The following SMAP1 variants were observed in gnomAD, a reference collection of about 807,000 sequenced individuals.
SMAP1 encodes the protein stromal membrane-associated protein 1.
Under a neutral mutation model 58.5 loss-of-function variants are expected in SMAP1, and 24 were observed. That is an observed-to-expected ratio of 0.41 (90% CI 0.30 to 0.58). SMAP1 has a LOEUF of 0.58. SMAP1 is among the 20% of genes least tolerant of loss of function. The probability of loss-of-function intolerance (pLI) is 0.29; values close to 1 mark genes in which losing one functional copy is unlikely to be tolerated. For missense variants in SMAP1, 563 were observed against 566.3 expected, an observed-to-expected ratio of 0.99 and a Z score of 0.06; for synonymous variants, 216 against 196.6, an observed-to-expected ratio of 1.10 and a Z score of -0.82.
At chr6:70,765,942 G>T (rs970438637) in intron 3 of SMAP1, among the ~76,000 whole-genome samples, 1 of 130,934 alleles carries the variant, frequency 7.6e-6, no homozygotes, top group South Asian at 2.3e-4. Flanking sequence ...TCCCCTTCCT[G>T]TGTCCATGTG....
At chr6:70,720,152 T>C (rs1433263729) in intron 1 of SMAP1, among the ~76,000 whole-genome samples, 2 of 152,118 alleles carry the variant, frequency 1.3e-5, no homozygotes, top group African/African-American at 2.4e-5. Context: ...GGTACAGGTA[T>C]TGGGTAAATA....
intron 1 of SMAP1, among the ~76,000 whole-genome samples, chr6:70,701,192 T>C (rs938921750): frequency 2.6e-5 from 4 of 152,178 alleles, no homozygotes; most frequent in Non-Finnish European, 5.9e-5. Flanking sequence ...GCAATCCTTC[T>C]ACCTCAGCCT....
chr6:70,806,632 C>T (rs1317715107), intron 6 of SMAP1, among the ~76,000 whole-genome samples: 4 of 152,110 alleles, frequency 2.6e-5, no homozygotes, highest in Admixed American at 6.6e-5. Context: ...GATGAAGATC[C>T]ACCTCGTTAT....
chr6:70,667,962 C>T lies in SMAP1; in HGVS notation c.-62C>T, dbSNP rs1303429371. 8 of 1,452,026 alleles carry T rather than the reference C, an allele frequency of 5.5e-6. No individual in the cohort carries two copies. Among genetic ancestry groups the T allele is most frequent in the South Asian group, 1.2e-5 (1 of 80,484 alleles). The allele number at this position is 1,452,026 out of a possible 1,614,324, so 89.9% of individuals were successfully genotyped here. On this transcript the variant is annotated 5_prime_UTR_variant, in exon 1 of 11. Coordinates refer to ENST00000370455, the MANE Select transcript of SMAP1 (RefSeq NM_001044305.3). Reference sequence around the variant, plus strand: ...GCGGCGCCAGGTGCGTTCACTCTGCCCGGCTCCAGCCAGCGTCCGCCGCCG... The same window carrying T: ...GCGGCGCCAGGTGCGTTCACTCTGCTCGGCTCCAGCCAGCGTCCGCCGCCG...
At chr6:70,811,592 A>ACACC (rs398110258) in intron 6 of SMAP1, among the ~76,000 whole-genome samples, 1 of 151,874 alleles carries the variant, frequency 6.6e-6, no homozygotes, top group African/African-American at 2.4e-5. Context: ...ACACACACAC[A>ACACC]TACCAAAATC....
intron 1 of SMAP1, among the ~76,000 whole-genome samples, chr6:70,671,152 G>A (rs1391341463): frequency 6.6e-6 from 1 of 151,222 alleles, no homozygotes; most frequent in Non-Finnish European, 1.5e-5. Flanking sequence ...TATTTAAAGT[G>A]TTATCTACAG....
chr6:70,735,308 A>G (rs1282903973), intron 2 of SMAP1, among the ~76,000 whole-genome samples: 2 of 152,150 alleles, frequency 1.3e-5, no homozygotes, highest in Non-Finnish European at 2.9e-5. Context: ...CCAGGGGCAT[A>G]CACTACACTG....
chr6:70,804,360 TC>T (rs1769019308), intron 6 of SMAP1, among the ~76,000 whole-genome samples: 1 of 151,204 alleles, frequency 6.6e-6, no homozygotes, highest in Admixed American at 6.6e-5. Flanking sequence ...TCTTCCTCCA[TC>T]CCTTTATTTT....
chr6:70,774,746 T>C (rs941535305), intron 4 of SMAP1, among the ~76,000 whole-genome samples: 5 of 152,068 alleles, frequency 3.3e-5, no homozygotes, highest in Admixed American at 1.3e-4. Flanking sequence ...TATTTTTTTT[T>C]CGACTGGGCA....
At chr6:70,668,891 C>G (rs1260784448) in intron 1 of SMAP1, among the ~76,000 whole-genome samples, 1 of 152,118 alleles carries the variant, frequency 6.6e-6, no homozygotes, top group Non-Finnish European at 1.5e-5. Flanking sequence ...CTCTGACCAG[C>G]TAGTTTGGGA....
At chr6:70,780,690 A>C (rs146237505) in intron 4 of SMAP1, among the ~76,000 whole-genome samples, 1 of 152,236 alleles carries the variant, frequency 6.6e-6, no homozygotes, top group Non-Finnish European at 1.5e-5. Context: ...AAGAGATACA[A>C]GAGGACTTAG....
At chr6:70,715,827 G>T (rs1467402638) in intron 1 of SMAP1, among the ~76,000 whole-genome samples, 1 of 151,986 alleles carries the variant, frequency 6.6e-6, no homozygotes, top group African/African-American at 2.4e-5. Context: ...TAAGATTTTG[G>T]TGTGCTGTCA....
intron 5 of SMAP1, among the ~76,000 whole-genome samples, chr6:70,792,869 C>A (rs1768427631): frequency 6.6e-6 from 1 of 151,962 alleles, no homozygotes; most frequent in African/African-American, 2.4e-5. Flanking sequence ...ATCAGATTTT[C>A]ATGTTGTAAC....
At chr6:70,805,517 T>A (rs891578698) in intron 6 of SMAP1, among the ~76,000 whole-genome samples, 1 of 152,200 alleles carries the variant, frequency 6.6e-6, no homozygotes, top group African/African-American at 2.4e-5. Context: ...CTCGTCAAAG[T>A]CATTCTGCAT....
intron 3 of SMAP1, among the ~76,000 whole-genome samples, chr6:70,764,301 A>G (rs1332486027): frequency 6.6e-6 from 1 of 152,160 alleles, no homozygotes; most frequent in Non-Finnish European, 1.5e-5. Flanking sequence ...AACTAAGATA[A>G]TTGATGAAGG....
At position 70,679,034 on chromosome 6, in the gene SMAP1, G is replaced by T. The variant is rs574907739; in HGVS notation, c.118+10893G>T. 9.5e-3 allele frequency among the ~76,000 whole-genome samples: 1,215 copies of T among 128,136 alleles called. 20 individuals carry two copies. The highest frequency in any genetic ancestry group is 0.029 in the African/African-American group (1,001 of 34,666). 84.1% of individuals were successfully genotyped at this position (128,136 alleles called of 152,430 possible). ...CTAGATTTTTTGTTTTTTTTTTTTT[G>T]TTTTTTTGAGATGGAGTCTTACTCT... On this transcript the variant is annotated intron_variant, in intron 1 of 10. Transcript: ENST00000370455.
intron 6 of SMAP1, among the ~76,000 whole-genome samples, chr6:70,809,041 A>G (rs1380814282): frequency 1.3e-5 from 2 of 151,928 alleles, no homozygotes; most frequent in African/African-American, 4.8e-5. Flanking sequence ...ATGTATTGTG[A>G]TATTTTTTAA....
chr6:70,779,475 A>G (rs951561100), intron 4 of SMAP1, among the ~76,000 whole-genome samples: 2 of 152,014 alleles, frequency 1.3e-5, no homozygotes, highest in African/African-American at 4.8e-5. Context: ...AGCTCCTTAT[A>G]CTAGACTCAG....
chr6:70,742,437 C>T (rs1483398966), intron 2 of SMAP1, among the ~76,000 whole-genome samples: 4 of 152,186 alleles, frequency 2.6e-5, no homozygotes, highest in South Asian at 4.1e-4. Flanking sequence ...CAAGAGTCAC[C>T]TTTACTCCGG....
Sources: allele counts gnomAD v4.1 joint callset (sites outside exome capture counted in the v4.1 genomes callset), GRCh38; gene constraint gnomAD v4.1.1; transcripts MANE v1.5; gene names NCBI Gene and HGNC (gene_info 2026-07-23, HGNC 2026-07-21).